ST13: variants seen among roughly 807,000 people sequenced by gnomAD.
ST13 encodes ST13 Hsp70 interacting protein.
ST13 carries 23 observed loss-of-function variants against 56.7 expected under a neutral mutation model. That is an observed-to-expected ratio of 0.41 (90% CI 0.29 to 0.57). The LOEUF is 0.57. ST13 is among the 20% of genes least tolerant of loss of function. The pLI is 0.36. For missense variants in ST13, 369 were observed against 459.9 expected (o/e 0.80, Z 1.81); for synonymous variants, 132 against 142.4 (o/e 0.93, Z 0.52).
intron 1 of ST13, among the ~76,000 whole-genome samples, chr22:40,853,256 G>T (rs2057870763): frequency 6.6e-6 from 1 of 152,012 alleles, no homozygotes; most frequent in Admixed American, 6.6e-5. Context: ...TGGTGTTGGG[G>T]TATAATGTTG....
intron 2 of ST13, among the ~76,000 whole-genome samples, chr22:40,848,879 G>A (rs2145748615): frequency 6.6e-6 from 1 of 152,266 alleles, no homozygotes; most frequent in South Asian, 2.1e-4. Context: ...GGGTTTTTGA[G>A]TTTTGGAACT....
Position 40,824,865 on chromosome 22 carries a change from G to C in ST13, c.*1673C>G, listed in dbSNP as rs1444140752. On this transcript the variant is annotated 3_prime_UTR_variant, in exon 12 of 12. Transcript: ENST00000216218. ...GCTTTTTCTCATTTATGTAACAGATGCATTTCTGTCTGCTTGTGTACAGCA... is the reference window on the plus strand; with the variant it reads ...GCTTTTTCTCATTTATGTAACAGATCCATTTCTGTCTGCTTGTGTACAGCA... The C allele has an allele frequency of 6.6e-6, 1 of 152,136 alleles. No individual in the cohort carries two copies. The highest frequency in any genetic ancestry group is 1.5e-5 in the Non-Finnish European group (1 of 68,038). 9.4% of individuals were successfully genotyped at this position (152,136 alleles called of 1,614,324 possible). A position where few individuals can be genotyped will look rare whatever the true frequency, so the allele number is the denominator to read the frequency against.
In ST13 at chr22:40,825,846, C is replaced by T. The variant is rs192500202; in HGVS notation, c.*692G>A. 6.6e-6 allele frequency: 1 copy of T among 152,648 alleles called. No homozygotes were observed. Among genetic ancestry groups the T allele is most frequent in the East Asian group, 1.9e-4 (1 of 5,172 alleles). The allele number at this position is 152,648 out of a possible 1,614,324, so 9.5% of individuals were successfully genotyped here. A position where few individuals can be genotyped will look rare whatever the true frequency, so the allele number is the denominator to read the frequency against. On this transcript the variant is annotated 3_prime_UTR_variant, in exon 12 of 12. Transcript: ENST00000216218. ...TTAGATATACTGGACAACAAGAGAA[C>T]TAAGTACTCCAACTCTACTGCAGCA...
At chr22:40,830,258 A>G (rs2057747974) in intron 9 of ST13, among the ~76,000 whole-genome samples, 1 of 152,238 alleles carries the variant, frequency 6.6e-6, no homozygotes, top group Non-Finnish European at 1.5e-5. Flanking sequence ...ATGGACAAAA[A>G]ATTAGAATGT....
intron 1 of ST13, chr22:40,854,451 C>G (rs1449973864): frequency 6.6e-6 from 1 of 152,218 alleles, no homozygotes; most frequent in Non-Finnish European, 1.5e-5. Flanking sequence ...GAAAGAAAAA[C>G]TGGAATTACC....
intron 8 of ST13, 87 bp downstream of exon 8, chr22:40,832,482 T>A (rs2057758517): frequency 1.0e-6 from 1 of 965,164 alleles, no homozygotes; most frequent in Non-Finnish European, 1.6e-6. Context: ...TTGCCTGTTT[T>A]TCAGATGAAT....
At chr22:40,834,619 GAC>G (rs762569615) in intron 7 of ST13, among the ~76,000 whole-genome samples, 2 of 152,128 alleles carry the variant, frequency 1.3e-5, no homozygotes. Context: ...GCAATGAACA[GAC>G]ACAGTGATCA....
chr22:40,829,482 T>C, intron 10 of ST13, 144 bp downstream of exon 10: 1 of 396,066 alleles, frequency 2.5e-6, no homozygotes, highest in East Asian at 4.1e-5. Flanking sequence ...AATAATTCCA[T>C]CATTTCTTTT....
At chr22:40,840,386 C>G (rs368679662) in intron 5 of ST13, among the ~76,000 whole-genome samples, 1 of 149,970 alleles carries the variant, frequency 6.7e-6, no homozygotes, top group South Asian at 2.1e-4. Flanking sequence ...CTCTTCTCAG[C>G]AGAAAAACAC....
chr22:40,831,036 G>GT (rs1291951527), intron 8 of ST13, 80 bp from the exon 9 acceptor site: 2 of 905,854 alleles, frequency 2.2e-6, no homozygotes, highest in East Asian at 4.9e-5. Context: ...GTAGAGAGAT[G>GT]TTTAATTCAA....
Position 40,830,920 on chromosome 22 carries a change from G to A in ST13, c.718C>T (p.Arg240Ter). 3 of 1,602,344 alleles carry A rather than the reference G, an allele frequency of 1.9e-6. No individual in the cohort carries two copies. The highest frequency in any genetic ancestry group is 2.5e-6 in the Non-Finnish European group (3 of 1,179,164). The change falls in exon 9 of 12, where the codon CGA becomes TGA. Residue 240 changes from arginine (R) to a stop codon, truncating the protein, a stop_gained. Transcript: ENST00000216218. LOFTEE classifies it high-confidence loss of function. ...KIAEHRRKYERKREEREIKER... is the reference protein window; with the variant it reads ...KIAEHRRKYE ...TTGATCTCTCGCTCTTCACGTTTTC[G>A]CTCATACTTTCTCCGATGTTCTGCA... is the stretch of plus-strand genomic sequence containing the variant.
chr22:40,829,400 G>C (rs2057743585), intron 10 of ST13, among the ~76,000 whole-genome samples: 1 of 151,968 alleles, frequency 6.6e-6, no homozygotes. Context: ...TGCCTCACTA[G>C]CAATTTCTGA....
intron 2 of ST13, among the ~76,000 whole-genome samples, chr22:40,849,479 CAAAAAAAAA>C (rs57060131): frequency 3.6e-5 from 2 of 55,106 alleles, no homozygotes; most frequent in East Asian, 4.2e-4. Context: ...GACTCTGTCT[CAAAAAAAAA>C]AAAAAAAAAA....
intron 4 of ST13, among the ~76,000 whole-genome samples, chr22:40,842,370 G>C (rs2057808589): frequency 6.6e-6 from 1 of 152,174 alleles, no homozygotes. Flanking sequence ...ATAAGAGTAA[G>C]ACCAGCGAAG....
chr22:40,841,038 A>G (rs2057801996), intron 4 of ST13, among the ~76,000 whole-genome samples: 1 of 152,134 alleles, frequency 6.6e-6, no homozygotes, highest in African/African-American at 2.4e-5. Context: ...TTAAATCCTC[A>G]GAAGAGAAAG....
At chr22:40,849,504 A>AG (rs1349634450) in intron 2 of ST13, among the ~76,000 whole-genome samples, 1 of 148,410 alleles carries the variant, frequency 6.7e-6, no homozygotes, top group Non-Finnish European at 1.5e-5. Flanking sequence ...AAAAAAAAAA[A>AG]TTAGAACCAA....
intron 2 of ST13, 55 bp from the exon 3 acceptor site, chr22:40,848,424 T>A: frequency 8.4e-7 from 1 of 1,191,702 alleles, no homozygotes; most frequent in Non-Finnish European, 1.2e-6. Context: ...ACCGAATATT[T>A]ATACTAATTT....
At chr22:40,826,989 C>T in intron 11 of ST13, 107 bp downstream of exon 11, 1 of 1,258,004 alleles carries the variant, frequency 7.9e-7, no homozygotes, top group Non-Finnish European at 1.1e-6. Context: ...TATTTGGTAA[C>T]TGTGATAAAT....
At chr22:40,852,250 GATT>G (rs2057865405) in intron 1 of ST13, among the ~76,000 whole-genome samples, 1 of 152,206 alleles carries the variant, frequency 6.6e-6, no homozygotes, top group Non-Finnish European at 1.5e-5. Context: ...CCATCTTAAA[GATT>G]TTTTAGCCAT....
Sources: gnomAD v4.1 joint callset for allele counts (sites outside exome capture counted in the v4.1 genomes callset) on GRCh38, gnomAD v4.1.1 for gene constraint, MANE v1.5 for transcripts, NCBI Gene and HGNC (gene_info 2026-07-23, HGNC 2026-07-21) for gene names.